The following SSU72 variants were observed in gnomAD, a reference collection of about 807,000 sequenced individuals.
SSU72 encodes RNA polymerase II subunit A C-terminal domain phosphatase SSU72.
In SSU72, 12 loss-of-function variants were observed where a neutral mutation model predicts 22.7. The ratio of observed to expected loss-of-function variants is 0.53; its 90% confidence interval spans 0.34 to 0.86. SSU72 has a LOEUF of 0.86. SSU72 is among the 40% of genes least tolerant of loss of function. The pLI is 0.02. For missense variants in SSU72, 151 were observed against 249.8 expected (o/e 0.60, Z 2.67); for synonymous variants, 116 against 98.3 (o/e 1.18, Z -1.06).
chr1:1,547,478 G>A (rs528752619), intron 2 of SSU72, among the ~76,000 whole-genome samples: 8 of 152,352 alleles, frequency 5.3e-5, no homozygotes, highest in African/African-American at 9.6e-5. Context: ...ATCTCCTGGC[G>A]AGGAGATGCG....
Position 1,542,052 on chromosome 1 carries a change from T to TGCGG in SSU72, c.*10_*13dup. ...ACAGGAAGCTCCAGAGGCGGCTCCA[T>TGCGG]GCGGGCGCTGGGCTCAGTAGAAGCA... On this transcript the variant is annotated 3_prime_UTR_variant, in exon 5 of 5. Coordinates refer to ENST00000291386, the MANE Select transcript of SSU72 (RefSeq NM_014188.3). This position sits in a 1 kb window ranked among gnomAD's most constrained non-coding sequence, Gnocchi z 4.4. The TGCGG allele has an allele frequency of 6.4e-7, 1 of 1,563,762 alleles. No individual in the cohort carries two copies. The highest frequency in any genetic ancestry group is 8.7e-7 in the Non-Finnish European group (1 of 1,153,594).
rs540368752 is a variant in SSU72, at chr1:1,557,708, G to A, written c.224+7065C>T. On this transcript the variant is annotated intron_variant, in intron 2 of 4. Coordinates refer to ENST00000291386, the MANE Select transcript of SSU72 (RefSeq NM_014188.3). ...AGCTACTCAGGATGCTGAGGCAGGA[G>A]AATCGCTTGAACCCGGGAGGCAAAG... Among the ~76,000 whole-genome samples, 3 of 151,700 alleles carry A rather than the reference G, an allele frequency of 2.0e-5. No individual in the cohort carries two copies. In the South Asian group the frequency reaches 6.3e-4, roughly 32 times the overall value.
rs575627162 is a variant in SSU72 at position 1,544,295 on chromosome 1, C to T, written c.365-308G>A. Among the ~76,000 whole-genome samples, 37 of 152,210 alleles carry T rather than the reference C, an allele frequency of 2.4e-4. 1 individual carries two copies. The highest frequency in any genetic ancestry group is 8.4e-4 in the African/African-American group (35 of 41,512). ...TCACTAAAGACCAGCCCTCCCTGCT[C>T]CACCGCCAGCTCCACACAGGGTCCA... On this transcript the variant is annotated intron_variant, in intron 3 of 4. Coordinates refer to ENST00000291386, the MANE Select transcript of SSU72 (RefSeq NM_014188.3).
At position 1,542,065 on chromosome 1, in the gene SSU72, C is replaced by T. The variant is rs773016926; in HGVS notation, c.*1G>A. 7 of 1,575,402 alleles carry T rather than the reference C, an allele frequency of 4.4e-6. No individual in the cohort carries two copies. Among genetic ancestry groups the T allele is most frequent in the Non-Finnish European group, 4.3e-6 (5 of 1,160,302 alleles). On this transcript the variant is annotated 3_prime_UTR_variant, in exon 5 of 5. Coordinates refer to ENST00000291386, the MANE Select transcript of SSU72 (RefSeq NM_014188.3). This position sits in a 1 kb window ranked among gnomAD's most constrained non-coding sequence, Gnocchi z 4.4. ...GAGGCGGCTCCATGCGGGCGCTGGG[C>T]TCAGTAGAAGCAGACGGTGTGCAGA...
intron 3 of SSU72, 140 bp from the exon 4 acceptor site, chr1:1,544,127 CAATG>C: frequency 1.6e-6 from 1 of 637,538 alleles, no homozygotes; most frequent in South Asian, 1.9e-5. Flanking sequence ...TTGGGGAGCA[CAATG>C]AATGAGCCTC....
chr1:1,544,393 G>T (rs372111793), intron 3 of SSU72, among the ~76,000 whole-genome samples: 1 of 152,242 alleles, frequency 6.6e-6, no homozygotes, highest in East Asian at 1.9e-4. Context: ...TGAGGCGGGC[G>T]GATCACTTGA....
chr1:1,556,772 G>A (rs1642526420), intron 2 of SSU72, among the ~76,000 whole-genome samples: 1 of 152,222 alleles, frequency 6.6e-6, no homozygotes, highest in Non-Finnish European at 1.5e-5. Flanking sequence ...CTTTGCAAAA[G>A]CATCTCACCT....
At chr1:1,564,385 G>A (rs1327383478) in intron 2 of SSU72, 2 of 1,279,972 alleles carry the variant, frequency 1.6e-6, no homozygotes, top group South Asian at 3.2e-5. Flanking sequence ...ATGTGTATCA[G>A]GCACGCACGC....
At chr1:1,573,338 GAGAAT>G (rs1229572889) in intron 1 of SSU72, among the ~76,000 whole-genome samples, 1 of 150,218 alleles carries the variant, frequency 6.7e-6, no homozygotes, top group South Asian at 2.1e-4. Flanking sequence ...GCTGAGGCAG[GAGAAT>G]AGCTCGATCT....
chr1:1,561,831 G>A (rs1233037367), intron 2 of SSU72: 1 of 152,122 alleles, frequency 6.6e-6, no homozygotes, highest in Non-Finnish European at 1.5e-5. Context: ...AGCCTCCTGA[G>A]GGGCCACCAC....
In SSU72 at chr1:1,541,914, G is replaced by C. The variant is rs557896680; in HGVS notation, c.*152C>G. On this transcript the variant is annotated 3_prime_UTR_variant, in exon 5 of 5. Transcript: ENST00000291386. ...AGAAACTTGATTGCTTTCATCTGGC[G>C]TTTTGGCATCTCCTCTCCCATTTCA... The C allele has an allele frequency of 3.1e-6, 2 of 647,968 alleles. No individual in the cohort carries two copies. The highest frequency in any genetic ancestry group is 5.3e-6 in the Non-Finnish European group (2 of 377,340). 40.1% of individuals were successfully genotyped at this position (647,968 alleles called of 1,614,324 possible). A position where few individuals can be genotyped will look rare whatever the true frequency, so the allele number is the denominator to read the frequency against.
chr1:1,568,772 A>G (rs1190680776), intron 1 of SSU72, among the ~76,000 whole-genome samples: 1 of 151,770 alleles, frequency 6.6e-6, no homozygotes, highest in Non-Finnish European at 1.5e-5. Context: ...TAAAAATACA[A>G]AACTAGCCAG....
chr1:1,569,181 A>T (rs1642698935), intron 1 of SSU72, among the ~76,000 whole-genome samples: 1 of 151,586 alleles, frequency 6.6e-6, no homozygotes, highest in African/African-American at 2.4e-5. Flanking sequence ...CTCAAAAAAT[A>T]AAATAAAAGA....
chr1:1,566,009 C>A (rs1642656537), intron 1 of SSU72, among the ~76,000 whole-genome samples: 1 of 151,984 alleles, frequency 6.6e-6, no homozygotes, highest in African/African-American at 2.4e-5. Context: ...TCAATCCAGG[C>A]ACTTTGGGAG....
At position 1,564,989 on chromosome 1, in the gene SSU72, T is replaced by C. The variant is rs1314090000; in HGVS notation, c.81-73A>G. ...AATTCCAAAAGCAAGGGACAGCAAA[T>C]GGGATAGAAACAAAATGAGTAATTT... On this transcript the variant is annotated intron_variant, in intron 1 of 4. Coordinates refer to ENST00000291386, the MANE Select transcript of SSU72 (RefSeq NM_014188.3). 4 of 1,514,018 alleles carry C rather than the reference T, an allele frequency of 2.6e-6. No individual in the cohort carries two copies. In the Admixed American group the frequency reaches 6.7e-5, roughly 25 times the overall value. The allele number at this position is 1,514,018 out of a possible 1,614,324, so 93.8% of individuals were successfully genotyped here.
chr1:1,563,216 G>A (rs1341834268), intron 2 of SSU72: 3 of 152,198 alleles, frequency 2.0e-5, no homozygotes, highest in African/African-American at 4.8e-5. Flanking sequence ...ATCTACCTGT[G>A]TATAAGAATT....
chr1:1,545,391 C>G (rs1481050795), intron 2 of SSU72: 1 of 230,804 alleles, frequency 4.3e-6, no homozygotes, highest in Admixed American at 5.2e-5. Context: ...CCTCCCTCTG[C>G]TCCCTGTGCA....
chr1:1,560,039 T>C (rs751740128), intron 2 of SSU72, among the ~76,000 whole-genome samples: 17 of 152,156 alleles, frequency 1.1e-4, no homozygotes, highest in Non-Finnish European at 1.3e-4. Flanking sequence ...GTACTTTTAG[T>C]AGAGACAGGG....
intron 2 of SSU72, chr1:1,545,607 A>C (rs1421044250): frequency 6.6e-6 from 1 of 152,668 alleles, no homozygotes; most frequent in Non-Finnish European, 1.5e-5. Context: ...CAGGAGACCG[A>C]GACCATCCTG....
Sources: allele counts gnomAD v4.1 joint callset (sites outside exome capture counted in the v4.1 genomes callset), GRCh38; gene constraint gnomAD v4.1.1; non-coding constraint Gnocchi (gnomAD v3.1); transcripts MANE v1.5; gene names NCBI Gene and HGNC (gene_info 2026-07-23, HGNC 2026-07-21).